THSD4: variants seen among roughly 807,000 people sequenced by gnomAD.
THSD4 encodes the protein thrombospondin type 1 domain containing 4, also known as thrombospondin type-1 domain-containing protein 4.
A neutral mutation model predicts 119.0 loss-of-function variants in THSD4; 69 were observed. That is an observed-to-expected ratio of 0.58 (90% CI 0.48 to 0.71). The LOEUF (loss-of-function observed/expected upper bound fraction) is 0.71, where lower values mean the gene tolerates loss of function less well. Among genes scored for constraint, THSD4 ranks in the 30% least tolerant of loss-of-function variants. THSD4 has a pLI of 0.00. For synonymous variants in THSD4, 524 were observed against 540.4 expected (o/e 0.97, Z 0.42); for missense variants, 1,393 against 1,391.1 (o/e 1.00, Z -0.02).
At chr15:71,184,295 G>T (rs1393287953) in intron 3 of THSD4, 1 of 151,762 alleles carries the variant, frequency 6.6e-6, no homozygotes, top group Admixed American at 6.6e-5. Context: ...AGCCTTTGTA[G>T]CTTAAGGAAT....
At chr15:71,740,511 T>C (rs1426353176) in intron 11 of THSD4, among the ~76,000 whole-genome samples, 1 of 152,186 alleles carries the variant, frequency 6.6e-6, no homozygotes. Flanking sequence ...TCTTTCACCC[T>C]GTCCGGAGCC....
At chr15:71,444,448 C>T (rs1158292824) in intron 7 of THSD4, among the ~76,000 whole-genome samples, 1 of 152,192 alleles carries the variant, frequency 6.6e-6, no homozygotes, top group Non-Finnish European at 1.5e-5. Flanking sequence ...AACTCTTAGT[C>T]AGAAGACAGA....
At chr15:71,293,353 GTGGTTGGTGTTC>G (rs1289929266) in intron 6 of THSD4, among the ~76,000 whole-genome samples, 1 of 152,160 alleles carries the variant, frequency 6.6e-6, no homozygotes, top group Non-Finnish European at 1.5e-5. Flanking sequence ...AGGTGGACGT[GTGGTTGGTGTTC>G]TGGGTGCCCC....
intron 8 of THSD4, among the ~76,000 whole-genome samples, chr15:71,695,756 C>T (rs2052153470): frequency 6.6e-6 from 1 of 152,168 alleles, no homozygotes. Context: ...AGAATACCTT[C>T]AGAATCAGAT....
intron 6 of THSD4, among the ~76,000 whole-genome samples, chr15:71,407,669 G>GTGCC (rs2046626717): frequency 6.6e-6 from 1 of 151,656 alleles, no homozygotes; most frequent in African/African-American, 2.4e-5. Flanking sequence ...TAAATTTAGA[G>GTGCC]TACCTATATT....
intron 7 of THSD4, among the ~76,000 whole-genome samples, chr15:71,510,202 C>G (rs1326366647): frequency 6.6e-6 from 1 of 152,212 alleles, no homozygotes. Context: ...TGTCTAGTGT[C>G]TGGTAAACAC....
At chr15:71,709,167 C>T (rs1338416130) in intron 8 of THSD4, among the ~76,000 whole-genome samples, 1 of 152,090 alleles carries the variant, frequency 6.6e-6, no homozygotes, top group African/African-American at 2.4e-5. Flanking sequence ...ATAAGGACAG[C>T]CAGGGGGAGG....
At chr15:71,644,771 T>G (rs75998136) in intron 7 of THSD4, among the ~76,000 whole-genome samples, 1 of 152,286 alleles carries the variant, frequency 6.6e-6, no homozygotes, top group Non-Finnish European at 1.5e-5. Flanking sequence ...GTATCAATCA[T>G]GTCACCATTA....
chr15:71,524,371 C>A (rs2048485208), intron 7 of THSD4, among the ~76,000 whole-genome samples: 1 of 152,164 alleles, frequency 6.6e-6, no homozygotes, highest in African/African-American at 2.4e-5. Context: ...ACCTTCTTGA[C>A]AGTAGAAGCT....
chr15:71,407,497 C>T (rs932217190), intron 6 of THSD4, among the ~76,000 whole-genome samples: 3 of 152,098 alleles, frequency 2.0e-5, no homozygotes, highest in Non-Finnish European at 4.4e-5. Context: ...AAACAAAATT[C>T]AAGAGTGATT....
At chr15:71,726,802 T>A (rs558666287) in intron 8 of THSD4, among the ~76,000 whole-genome samples, 1 of 152,080 alleles carries the variant, frequency 6.6e-6, no homozygotes, top group Non-Finnish European at 1.5e-5. Context: ...CAGAGCATGG[T>A]GGTGAATGCC....
At chr15:71,687,798 T>C (rs1232495322) in intron 8 of THSD4, among the ~76,000 whole-genome samples, 1 of 151,212 alleles carries the variant, frequency 6.6e-6, no homozygotes, top group East Asian at 1.9e-4. Flanking sequence ...GAAATTCATC[T>C]GTATCAACCA....
Position 71,164,814 on chromosome 15 carries a change from C to A in THSD4, c.99+9882C>A, listed in dbSNP as rs533678864. ...TCTTCTTCATCTTCATCTTCTTCAT[C>A]TTCCTCCTCCTCCTCATCCTCTTCA... On this transcript the variant is annotated intron_variant, in intron 3 of 17. Transcript: ENST00000261862. The A allele has an allele frequency of 2.4e-4, 389 of 1,590,400 alleles. No homozygotes were observed. The African/African-American group carries it at 4.9e-3, about 20-fold the overall frequency.
At chr15:71,620,549 T>TTTGTCTGA in intron 7 of THSD4, among the ~76,000 whole-genome samples, 1 of 152,202 alleles carries the variant, frequency 6.6e-6, no homozygotes, top group East Asian at 1.9e-4. Context: ...AGGCCAACTT[T>TTTGTCTGA]TTGTCTGATG....
chr15:71,133,357 C>A (rs1381656627), intron 1 of THSD4, among the ~76,000 whole-genome samples: 16 of 152,136 alleles, frequency 1.1e-4, no homozygotes. Flanking sequence ...GCAGCACAAT[C>A]CTGCATGGAA....
intron 4 of THSD4, among the ~76,000 whole-genome samples, chr15:71,228,169 C>T (rs1018766097): frequency 4.6e-5 from 7 of 151,924 alleles, no homozygotes; most frequent in Non-Finnish European, 8.8e-5. Flanking sequence ...GTTCTATGTG[C>T]AATTATGAAT....
At position 71,301,353 on chromosome 15, in the gene THSD4, C is replaced by T. The variant is rs1388679029; in HGVS notation, c.1015+44638C>T. Among the ~76,000 whole-genome samples, 5 of 152,300 alleles carry T rather than the reference C, an allele frequency of 3.3e-5. No individual in the cohort carries two copies. In the East Asian group the frequency reaches 5.8e-4, roughly 18 times the overall value. On this transcript the variant is annotated intron_variant, in intron 6 of 17. Coordinates refer to ENST00000261862, the MANE Select transcript of THSD4 (RefSeq NM_024817.3). ...ACCTGATTTTTCACATAATTTTTCA[C>T]ATGATTTTTCCGTGATTTTTCACGG...
chr15:71,322,891 G>C (rs1156687413), intron 6 of THSD4, among the ~76,000 whole-genome samples: 2 of 152,068 alleles, frequency 1.3e-5, no homozygotes, highest in African/African-American at 4.8e-5. Context: ...GAGCCCAGGA[G>C]TTCAAGACCA....
intron 8 of THSD4, among the ~76,000 whole-genome samples, chr15:71,691,469 T>C (rs1436969647): frequency 6.6e-6 from 1 of 152,260 alleles, no homozygotes; most frequent in Non-Finnish European, 1.5e-5. Context: ...GCAGCTTGTC[T>C]GGACGGGAAG....
Sources: gnomAD v4.1 joint callset for allele counts (sites outside exome capture counted in the v4.1 genomes callset) on GRCh38, gnomAD v4.1.1 for gene constraint, MANE v1.5 for transcripts, NCBI Gene and HGNC (gene_info 2026-07-23, HGNC 2026-07-21) for gene names.